The following LIPC variants were observed in gnomAD, a reference collection of about 807,000 sequenced individuals.
LIPC encodes the protein lipase C, hepatic type.
Under a neutral mutation model 50.7 loss-of-function variants are expected in LIPC, and 44 were observed. That is an observed-to-expected ratio of 0.87 (90% confidence interval 0.68 to 1.11). The LOEUF is 1.11. Among genes scored for constraint, LIPC ranks in the 50% most tolerant of loss-of-function variants. The probability of loss-of-function intolerance (pLI) is 0.00; values close to 1 mark genes in which losing one functional copy is unlikely to be tolerated. For missense variants in LIPC, 697 were observed against 648.2 expected (o/e 1.08, Z -0.82); for synonymous variants, 271 against 256.4 (o/e 1.06, Z -0.54).
chr15:58,565,540 T>A, intron 8 of LIPC: 1 of 1,268,916 alleles, frequency 7.9e-7, no homozygotes, highest in African/African-American at 1.5e-5. Context: ...TTTGCTGTGA[T>A]CCTGAAATGG....
At chr15:58,496,910 CCT>C (rs1428746502) in intron 1 of LIPC, among the ~76,000 whole-genome samples, 2 of 152,138 alleles carry the variant, frequency 1.3e-5, no homozygotes, top group African/African-American at 4.8e-5. Context: ...GTCTCCAACC[CCT>C]GACCTCAGGT....
chr15:58,509,604 C>CT (rs149997292), intron 1 of LIPC, among the ~76,000 whole-genome samples: 5,687 of 152,026 alleles, frequency 0.037, 355 homozygotes, highest in African/African-American at 0.13. Flanking sequence ...AATCTTTATT[C>CT]TTTTTTTTAA....
chr15:58,438,560 G>T (rs554056085), intron 1 of LIPC, among the ~76,000 whole-genome samples: 1 of 152,184 alleles, frequency 6.6e-6, no homozygotes, highest in Non-Finnish European at 1.5e-5. Context: ...CAAGGGGGCC[G>T]AGCCTAGTCT....
At chr15:58,542,104 A>G in intron 3 of LIPC, 137 bp downstream of exon 3, 1 of 1,042,142 alleles carries the variant, frequency 9.6e-7, no homozygotes, top group Non-Finnish European at 1.4e-6. Context: ...ATGAGAAGGC[A>G]CAGGACTGAC....
chr15:58,432,691 A>G (rs1301167408), intron 1 of LIPC, among the ~76,000 whole-genome samples: 1 of 152,220 alleles, frequency 6.6e-6, no homozygotes, highest in African/African-American at 2.4e-5. Context: ...TAAATTCACA[A>G]ACTAGATTGA....
At chr15:58,539,740 G>C (rs927471956) in intron 2 of LIPC, among the ~76,000 whole-genome samples, 1 of 152,022 alleles carries the variant, frequency 6.6e-6, no homozygotes, top group Non-Finnish European at 1.5e-5. Context: ...ACATCTAACT[G>C]CTTGTATTAA....
chr15:58,452,065 T>C (rs755281589), intron 1 of LIPC, among the ~76,000 whole-genome samples: 1 of 152,166 alleles, frequency 6.6e-6, no homozygotes, highest in Non-Finnish European at 1.5e-5. Flanking sequence ...TTCATTGGCA[T>C]CCTAGGATGC....
At chr15:58,484,091 C>G (rs1488536082) in intron 1 of LIPC, among the ~76,000 whole-genome samples, 1 of 152,158 alleles carries the variant, frequency 6.6e-6, no homozygotes, top group African/African-American at 2.4e-5. Flanking sequence ...AGGTTTGACC[C>G]TCTGGCTCTA....
intron 6 of LIPC, among the ~76,000 whole-genome samples, chr15:58,555,971 G>A (rs183009678): frequency 6.6e-6 from 1 of 152,314 alleles, no homozygotes; most frequent in Non-Finnish European, 1.5e-5. Context: ...AAGGGAGCCC[G>A]GCAGATGCAG....
At position 58,555,427 on chromosome 15, in the gene LIPC, G is replaced by C. The variant is rs562118367; in HGVS notation, c.1052-5437G>C. Among the ~76,000 whole-genome samples the C allele has an allele frequency of 3.9e-5, 6 of 152,306 alleles. No homozygotes were observed. In the South Asian group the frequency reaches 6.2e-4, roughly 16 times the overall value. Reference sequence around the variant, plus strand: ...GAACCACAGCTTTTCTTCAGGGGCTGTTGGCCATTTGCTTTCAAGGGACAG... The same window carrying C: ...GAACCACAGCTTTTCTTCAGGGGCTCTTGGCCATTTGCTTTCAAGGGACAG... On this transcript the variant is annotated intron_variant, in intron 6 of 8. Coordinates refer to ENST00000299022, the MANE Select transcript of LIPC (RefSeq NM_000236.3).
intron 1 of LIPC, among the ~76,000 whole-genome samples, chr15:58,465,979 TCTC>T (rs1894549385): frequency 6.6e-6 from 1 of 152,200 alleles, no homozygotes; most frequent in Admixed American, 6.5e-5. Context: ...TCAAGCCCCA[TCTC>T]CTGATGATTC....
chr15:58,490,114 A>G (rs773737586), intron 1 of LIPC, among the ~76,000 whole-genome samples: 1 of 152,224 alleles, frequency 6.6e-6, no homozygotes, highest in Non-Finnish European at 1.5e-5. Context: ...TATTCAGCAC[A>G]TTTTTGAAAC....
chr15:58,504,180 A>G (rs1280922127), intron 1 of LIPC, among the ~76,000 whole-genome samples: 3 of 152,206 alleles, frequency 2.0e-5, no homozygotes, highest in African/African-American at 7.2e-5. Context: ...AACCCCCTCA[A>G]GATTCTAGGC....
intron 1 of LIPC, among the ~76,000 whole-genome samples, chr15:58,535,902 T>C (rs1287530193): frequency 2.0e-5 from 3 of 152,170 alleles, no homozygotes; most frequent in Non-Finnish European, 4.4e-5. Flanking sequence ...TGAGCTACAT[T>C]AGGTCCAATG....
chr15:58,484,191 G>A (rs1891287153), intron 1 of LIPC, among the ~76,000 whole-genome samples: 1 of 139,060 alleles, frequency 7.2e-6, no homozygotes, highest in African/African-American at 2.6e-5. Flanking sequence ...GGCTGTCCTT[G>A]GCATTTCACC....
chr15:58,556,095 C>G (rs370901722), intron 6 of LIPC, among the ~76,000 whole-genome samples: 16 of 152,250 alleles, frequency 1.1e-4, no homozygotes, highest in African/African-American at 3.9e-4. Context: ...CATTATTTAG[C>G]CTGTTATGAG....
intron 1 of LIPC, among the ~76,000 whole-genome samples, chr15:58,510,550 G>A (rs1177603628): frequency 6.6e-6 from 1 of 152,218 alleles, no homozygotes; most frequent in Non-Finnish European, 1.5e-5. Context: ...ATGAAGCTGT[G>A]CTTTACTGGT....
chr15:58,491,094 G>A (rs2140806550), intron 1 of LIPC, among the ~76,000 whole-genome samples: 1 of 152,254 alleles, frequency 6.6e-6, no homozygotes, highest in Admixed American at 6.5e-5. Context: ...ACAGGTAAAG[G>A]GAGCCTGGTC....
intron 1 of LIPC, among the ~76,000 whole-genome samples, chr15:58,534,673 T>C (rs1422158908): frequency 6.6e-6 from 1 of 152,148 alleles, no homozygotes; most frequent in African/African-American, 2.4e-5. Flanking sequence ...AAAGTGTGAG[T>C]GCCTGGCCAC....
Sources: gnomAD v4.1 joint callset for allele counts (sites outside exome capture counted in the v4.1 genomes callset) on GRCh38, gnomAD v4.1.1 for gene constraint, MANE v1.5 for transcripts, NCBI Gene and HGNC (gene_info 2026-07-23, HGNC 2026-07-21) for gene names.